TRAPPC9: variants seen among roughly 807,000 people sequenced by gnomAD.
The protein encoded by TRAPPC9 is trafficking protein particle complex subunit 9, also known as IKK2 binding protein.
A neutral mutation model predicts 124.0 loss-of-function variants in TRAPPC9; 83 were observed. The observed-to-expected ratio is 0.67, with a 90% CI of 0.56 to 0.80. The LOEUF (loss-of-function observed/expected upper bound fraction) is 0.80. Ranked by LOEUF, TRAPPC9 falls within the 30% of genes least tolerant of loss-of-function variation. TRAPPC9 has a pLI of 0.00. For synonymous variants in TRAPPC9, 638 were observed against 617.5 expected, an observed-to-expected ratio of 1.03 and a Z score of -0.49; for missense variants, 1,302 against 1,508.3, an observed-to-expected ratio of 0.86 and a Z score of 2.27.
intron 13 of TRAPPC9, among the ~76,000 whole-genome samples, chr8:140,287,026 G>A (rs1007879921): frequency 1.3e-5 from 2 of 152,138 alleles, no homozygotes; most frequent in Non-Finnish European, 2.9e-5. Context: ...CAGAGAGGCA[G>A]GGTCACAGCA....
At chr8:139,893,298 T>A (rs931063446) in intron 20 of TRAPPC9, among the ~76,000 whole-genome samples, 2 of 152,194 alleles carry the variant, frequency 1.3e-5, no homozygotes, top group African/African-American at 4.8e-5. Context: ...TCTCTCCTTT[T>A]CAGGCTCTGT....
At chr8:140,298,387 C>T (rs2065871538) in intron 11 of TRAPPC9, among the ~76,000 whole-genome samples, 1 of 152,132 alleles carries the variant, frequency 6.6e-6, no homozygotes, top group African/African-American at 2.4e-5. Context: ...ACGCAGAGGT[C>T]CCCACCTGTA....
intron 6 of TRAPPC9, among the ~76,000 whole-genome samples, chr8:140,401,286 G>A (rs2069257239): frequency 6.6e-6 from 1 of 152,106 alleles, no homozygotes; most frequent in Non-Finnish European, 1.5e-5. Context: ...TGTCAGAAAG[G>A]GTAGGCTTCA....
At position 139,976,990 on chromosome 8, in the gene TRAPPC9, A is replaced by T. The variant is rs943316157; in HGVS notation, c.2810+11736T>A. The stretch of plus-strand genomic sequence containing the variant: ...CGGAATCAGGGTCAATGCTGCCCCA[A>T]TTTCTCTCCCTGGGCAGCTACTGGG... On this transcript the variant is annotated intron_variant, in intron 19 of 22. Transcript: ENST00000438773. 1.3e-5 allele frequency among the ~76,000 whole-genome samples: 2 copies of T among 152,146 alleles called. 1 individual carries two copies. Among genetic ancestry groups the T allele is most frequent in the Non-Finnish European group, 2.9e-5 (2 of 68,032 alleles).
chr8:139,928,375 C>G (rs935887259), intron 19 of TRAPPC9, among the ~76,000 whole-genome samples: 7 of 152,026 alleles, frequency 4.6e-5, no homozygotes, highest in Non-Finnish European at 1.0e-4. Context: ...GCCTGTAATC[C>G]CAGCTACTCA....
intron 16 of TRAPPC9, among the ~76,000 whole-genome samples, chr8:140,243,950 C>T (rs2131448885): frequency 6.6e-6 from 1 of 152,330 alleles, no homozygotes. Context: ...CTCTGCCTCC[C>T]GTCAGCTCAG....
Position 140,166,792 on chromosome 8 carries a change from G to A in TRAPPC9, c.2556+54667C>T, listed in dbSNP as rs530085378. ...GCCTATCCGTCTTTTTCTTCCAAAT[G>A]TGTATACAGCCTCCTCATCCAATGA... is the stretch of plus-strand genomic sequence containing the variant. On this transcript the variant is annotated intron_variant, in intron 17 of 22. Transcript: ENST00000438773. Among the ~76,000 whole-genome samples the A allele has an allele frequency of 5.3e-5, 8 of 152,336 alleles. No individual in the cohort carries two copies. In the East Asian group the frequency reaches 1.2e-3, roughly 22 times the overall value.
At chr8:140,072,074 C>T (rs1266439147) in intron 17 of TRAPPC9, among the ~76,000 whole-genome samples, 2 of 152,206 alleles carry the variant, frequency 1.3e-5, no homozygotes, top group Non-Finnish European at 2.9e-5. Flanking sequence ...GGGTTGCCTA[C>T]AAGGCAGTAT....
At chr8:140,273,357 G>A (rs1041301473) in intron 15 of TRAPPC9, among the ~76,000 whole-genome samples, 2 of 152,190 alleles carry the variant, frequency 1.3e-5, no homozygotes, top group African/African-American at 4.8e-5. Context: ...GTTCTGGTGT[G>A]GCCTGTCTCC....
intron 11 of TRAPPC9, among the ~76,000 whole-genome samples, chr8:140,299,778 G>A (rs1037441343): frequency 1.3e-5 from 2 of 152,262 alleles, no homozygotes; most frequent in Admixed American, 6.5e-5. Flanking sequence ...GTGCAGGAGG[G>A]ACGAGAGCTC....
rs187702341 is a variant in TRAPPC9, at chr8:139,916,822, T to A, written c.2811-6522A>T. 3.8e-3 allele frequency among the ~76,000 whole-genome samples: 571 copies of A among 152,236 alleles called. 10 individuals are homozygous for A. The highest frequency in any genetic ancestry group is 0.034 in the Admixed American group (522 of 15,290). Reference sequence around the variant, plus strand: ...TGACATTTAAATACAAATCAAGGAGTCGGATCTCAGGAGGCTAGCCACATA... The same window carrying A: ...TGACATTTAAATACAAATCAAGGAGACGGATCTCAGGAGGCTAGCCACATA... On this transcript the variant is annotated intron_variant, in intron 19 of 22. Transcript: ENST00000438773.
intron 9 of TRAPPC9, among the ~76,000 whole-genome samples, chr8:140,336,015 T>C (rs2067027456): frequency 6.6e-6 from 1 of 152,170 alleles, no homozygotes; most frequent in Admixed American, 6.5e-5. Context: ...GCCAACAATA[T>C]TTTTTAACTT....
At chr8:140,310,882 T>C (rs1335148302) in intron 10 of TRAPPC9, among the ~76,000 whole-genome samples, 9 of 151,886 alleles carry the variant, frequency 5.9e-5, no homozygotes, top group Admixed American at 5.9e-4. Context: ...CTGGGGTGCA[T>C]GGCCTGCGGA....
At chr8:140,174,247 G>A (rs949950470) in intron 17 of TRAPPC9, among the ~76,000 whole-genome samples, 4 of 152,064 alleles carry the variant, frequency 2.6e-5, no homozygotes, top group African/African-American at 7.3e-5. Flanking sequence ...AGGAGGGAGA[G>A]AAGCAGGAAA....
intron 17 of TRAPPC9, among the ~76,000 whole-genome samples, chr8:140,051,740 C>T (rs1842020248): frequency 6.6e-6 from 1 of 152,086 alleles, no homozygotes; most frequent in African/African-American, 2.4e-5. Context: ...GACGGCTGCT[C>T]CCCCACGTAG....
chr8:140,182,834 G>A lies in TRAPPC9; in HGVS notation c.2556+38625C>T, dbSNP rs116584025. On this transcript the variant is annotated intron_variant, in intron 17 of 22. Coordinates refer to ENST00000438773, the MANE Select transcript of TRAPPC9 (RefSeq NM_001160372.4). This position sits in a 1 kb window ranked among gnomAD's most constrained non-coding sequence, Gnocchi z 4.0. ...TTCCCCCTTCTCTGCCCGTCTATGC[G>A]TCCCCCAAACTGTGGCTCAACCACC... Among the ~76,000 whole-genome samples the A allele has an allele frequency of 0.011, 1,698 of 151,958 alleles. 34 individuals are homozygous for A. The highest frequency in any genetic ancestry group is 0.039 in the African/African-American group (1,620 of 41,400).
At chr8:140,226,591 CAAAAAAAAAA>C (rs35750675) in intron 16 of TRAPPC9, among the ~76,000 whole-genome samples, 2 of 103,304 alleles carry the variant, frequency 1.9e-5, no homozygotes, top group African/African-American at 8.9e-5. Context: ...GACTCGGTCT[CAAAAAAAAAA>C]AAAAAGAAAG....
chr8:140,262,070 C>T (rs1156533591), intron 15 of TRAPPC9, among the ~76,000 whole-genome samples: 4 of 152,138 alleles, frequency 2.6e-5, no homozygotes, highest in African/African-American at 4.8e-5. Flanking sequence ...TGCTATCACA[C>T]CCATTTTAGG....
In TRAPPC9 at chr8:139,776,569, C is replaced by T. The variant is rs1325494125; in HGVS notation, c.3056-44367G>A. Reference sequence around the variant, plus strand: ...AAGGCACAGCTGACCACCCAGGCCTCATTCGCAGCTGTGTTCTGAACCTGG... The same window carrying T: ...AAGGCACAGCTGACCACCCAGGCCTTATTCGCAGCTGTGTTCTGAACCTGG... On this transcript the variant is annotated intron_variant, in intron 21 of 22. Coordinates refer to ENST00000438773, the MANE Select transcript of TRAPPC9 (RefSeq NM_001160372.4). This position sits in a 1 kb window ranked among gnomAD's most constrained non-coding sequence, Gnocchi z 4.1. 6.6e-6 allele frequency among the ~76,000 whole-genome samples: 1 copy of T among 152,184 alleles called. No homozygotes were observed. The highest frequency in any genetic ancestry group is 1.5e-5 in the Non-Finnish European group (1 of 68,044).
Sources: allele counts gnomAD v4.1 joint callset (sites outside exome capture counted in the v4.1 genomes callset), GRCh38; gene constraint gnomAD v4.1.1; non-coding constraint Gnocchi (gnomAD v3.1); transcripts MANE v1.5; gene names NCBI Gene and HGNC (gene_info 2026-07-23, HGNC 2026-07-21).